Variants in MYT1L observed in about 807,000 individuals in gnomAD.
The protein encoded by MYT1L is myelin transcription factor 1-like protein.
A neutral mutation model predicts 126.7 loss-of-function variants in MYT1L; 12 were observed. The ratio of observed to expected loss-of-function variants is 0.09; its 90% CI spans 0.06 to 0.15. The LOEUF (loss-of-function observed/expected upper bound fraction) is 0.15, where lower values mean the gene tolerates loss of function less well. Among genes scored for constraint, MYT1L ranks in the 10% least tolerant of loss-of-function variants. The probability of loss-of-function intolerance (pLI) is 1.00; values close to 1 mark genes in which losing one functional copy is unlikely to be tolerated. For missense variants in MYT1L, 979 were observed against 1,585.2 expected, an observed-to-expected ratio of 0.62 and a Z score of 6.49; for synonymous variants, 541 against 604.2, an observed-to-expected ratio of 0.90 and a Z score of 1.53.
intron 21 of MYT1L, among the ~76,000 whole-genome samples, chr2:1,828,857 T>A (rs1424321552): frequency 6.6e-6 from 1 of 152,200 alleles, no homozygotes; most frequent in African/African-American, 2.4e-5. Flanking sequence ...AGGGAAGGAC[T>A]TTAAAAAAAT....
chr2:2,137,425 C>G (rs931724101), intron 3 of MYT1L, among the ~76,000 whole-genome samples: 2 of 152,188 alleles, frequency 1.3e-5, no homozygotes, highest in African/African-American at 4.8e-5. Context: ...CATCACGCTA[C>G]CTGACTTCAA....
At chr2:2,100,665 G>A (rs1392897770) in intron 3 of MYT1L, among the ~76,000 whole-genome samples, 1 of 152,010 alleles carries the variant, frequency 6.6e-6, no homozygotes, top group Non-Finnish European at 1.5e-5. Context: ...TCCCCTAAGT[G>A]GTTTAAATTC....
intron 1 of MYT1L, among the ~76,000 whole-genome samples, chr2:2,285,525 AATGAAAC>A (rs1464824990): frequency 2.0e-5 from 3 of 152,168 alleles, no homozygotes; most frequent in Non-Finnish European, 4.4e-5. Flanking sequence ...TGGGAGGAAA[AATGAAAC>A]ATGAAATTCT....
At chr2:2,200,312 G>T (rs1202498596) in intron 2 of MYT1L, among the ~76,000 whole-genome samples, 8 of 152,164 alleles carry the variant, frequency 5.3e-5, no homozygotes, top group Non-Finnish European at 1.5e-5. Context: ...CAATTACTAG[G>T]TTGGAGGGCA....
chr2:2,222,741 T>G (rs10204613), intron 2 of MYT1L, among the ~76,000 whole-genome samples: 100,065 of 151,782 alleles, frequency 0.66, 33,657 homozygotes, highest in East Asian at 0.81. Context: ...GGAGAAGGAA[T>G]CCTAAACTGT....
chr2:1,996,505 G>A (rs1386919288), intron 5 of MYT1L, among the ~76,000 whole-genome samples: 4 of 131,212 alleles, frequency 3.0e-5, no homozygotes, highest in South Asian at 2.7e-4. Context: ...TAGACGGGCC[G>A]CCTTTACCTA....
chr2:1,942,559 A>G (rs985786550), intron 9 of MYT1L, among the ~76,000 whole-genome samples: 2 of 152,012 alleles, frequency 1.3e-5, no homozygotes, highest in Non-Finnish European at 2.9e-5. Context: ...AGGACTTCCA[A>G]CTCCCCTGAG....
At position 1,956,554 on chromosome 2, in the gene MYT1L, A is replaced by G. The variant is rs559040948; in HGVS notation, c.153-13220T>C. On this transcript the variant is annotated intron_variant, in intron 8 of 24. Transcript: ENST00000647738. Reference sequence around the variant, plus strand: ...CTATCTATCTATCTATCTATCATCTATCCTATTCTATATTTCCTATTCTAT... The same window carrying G: ...CTATCTATCTATCTATCTATCATCTGTCCTATTCTATATTTCCTATTCTAT... 1.0e-3 allele frequency among the ~76,000 whole-genome samples: 141 copies of G among 139,038 alleles called. 1 individual carries two copies. The highest frequency in any genetic ancestry group is 1.6e-3 in the Non-Finnish European group (104 of 64,030). The allele number at this position is 139,038 out of a possible 152,430, so 91.2% of individuals were successfully genotyped here. A position where few individuals can be genotyped will look rare whatever the true frequency, so the allele number is the denominator to read the frequency against.
chr2:2,230,821 A>C (rs1420593108), intron 2 of MYT1L, among the ~76,000 whole-genome samples: 1 of 152,184 alleles, frequency 6.6e-6, no homozygotes, highest in Non-Finnish European at 1.5e-5. Flanking sequence ...TTATAAGCTT[A>C]GGTGGAGAAA....
chr2:2,103,026 T>C (rs951116439), intron 3 of MYT1L, among the ~76,000 whole-genome samples: 2 of 152,100 alleles, frequency 1.3e-5, no homozygotes, highest in Non-Finnish European at 2.9e-5. Flanking sequence ...TTAGCGCTAA[T>C]TGAGAATTCC....
chr2:2,117,385 G>A (rs1196194838), intron 3 of MYT1L, among the ~76,000 whole-genome samples: 1 of 152,152 alleles, frequency 6.6e-6, no homozygotes, highest in African/African-American at 2.4e-5. Flanking sequence ...TGTCCTGGAC[G>A]TCTCCACCCT....
At chr2:1,890,069 AT>A (rs66780734) in intron 15 of MYT1L, among the ~76,000 whole-genome samples, 68,537 of 145,644 alleles carry the variant, frequency 0.47, 16,256 homozygotes, top group African/African-American at 0.6. Flanking sequence ...TTGTAATACA[AT>A]TTTTTTTTTT....
intron 8 of MYT1L, among the ~76,000 whole-genome samples, chr2:1,965,709 C>G (rs976122309): frequency 6.6e-6 from 1 of 152,228 alleles, no homozygotes; most frequent in Non-Finnish European, 1.5e-5. Context: ...CGCCATCATC[C>G]TGACCTTAAA....
chr2:1,931,533 C>T (rs1366812789), intron 9 of MYT1L, among the ~76,000 whole-genome samples: 4 of 152,150 alleles, frequency 2.6e-5, no homozygotes, highest in Non-Finnish European at 5.9e-5. Context: ...ATGCCCACGT[C>T]TGCTGGGCCT....
intron 19 of MYT1L, among the ~76,000 whole-genome samples, chr2:1,846,198 G>C (rs2042476142): frequency 6.6e-6 from 1 of 152,182 alleles, no homozygotes; most frequent in South Asian, 2.1e-4. Context: ...GAGTGCGCCA[G>C]GCTGGTTAGC....
chr2:2,115,591 T>C (rs897827189), intron 3 of MYT1L, among the ~76,000 whole-genome samples: 1 of 152,252 alleles, frequency 6.6e-6, no homozygotes, highest in African/African-American at 2.4e-5. Flanking sequence ...AGGCATTTAC[T>C]TTGCCAAATG....
At chr2:2,204,394 T>A (rs2148850966) in intron 2 of MYT1L, among the ~76,000 whole-genome samples, 1 of 150,564 alleles carries the variant, frequency 6.6e-6, no homozygotes, top group South Asian at 2.1e-4. Context: ...GAATCTACAA[T>A]GAACTCAAAC....
chr2:2,297,320 C>T (rs185068121), intron 1 of MYT1L, among the ~76,000 whole-genome samples: 7 of 152,356 alleles, frequency 4.6e-5, no homozygotes, highest in African/African-American at 1.7e-4. Context: ...TGCATTTGAA[C>T]ATTCCTAACC....
In MYT1L at chr2:1,912,916, T is replaced by C. The variant is rs1056553961; in HGVS notation, c.1619-806A>G. ...ATGAACGCTCTACTACTCTGGGTTC[T>C]GGGGGAAGGTTAGCAGGGACGAAGG... is the stretch of plus-strand genomic sequence containing the variant. On this transcript the variant is annotated intron_variant, in intron 11 of 24. Transcript: ENST00000647738. The surrounding 1 kb of genome is among the most constrained non-coding windows in gnomAD (Gnocchi z 4.3). Among the ~76,000 whole-genome samples, 5 of 152,132 alleles carry C rather than the reference T, an allele frequency of 3.3e-5. No individual in the cohort carries two copies. Among genetic ancestry groups the C allele is most frequent in the African/African-American group, 1.2e-4 (5 of 41,426 alleles).
Sources: allele counts gnomAD v4.1 joint callset (sites outside exome capture counted in the v4.1 genomes callset), GRCh38; gene constraint gnomAD v4.1.1; non-coding constraint Gnocchi (gnomAD v3.1); transcripts MANE v1.5; gene names NCBI Gene and HGNC (gene_info 2026-07-23, HGNC 2026-07-21).